Variants in ZMYM2 observed in about 807,000 individuals in gnomAD.
ZMYM2 encodes zinc finger MYM-type protein 2.
In ZMYM2, 56 loss-of-function variants were observed where a neutral mutation model predicts 162.8. That is an observed-to-expected ratio of 0.34 (90% CI 0.28 to 0.43). The LOEUF (loss-of-function observed/expected upper bound fraction) is 0.43, where lower values mean the gene tolerates loss of function less well. Ranked by LOEUF, ZMYM2 falls within the 20% of genes least tolerant of loss-of-function variation. The pLI is 1.00. For missense variants in ZMYM2, 1,275 were observed against 1,621.8 expected, an observed-to-expected ratio of 0.79 and a Z score of 3.67; for synonymous variants, 510 against 541.6, an observed-to-expected ratio of 0.94 and a Z score of 0.81.
At chr13:19,949,660 G>A in the ZMYM2 span, among the ~76,000 whole-genome samples, 1 of 151,554 alleles carries the variant, frequency 6.6e-6, no homozygotes, top group Non-Finnish European at 1.5e-5. Flanking sequence ...AGGCCAAGAC[G>A]GGCAGATCAT....
chr13:20,082,158 C>G (rs1408967696), intron 22 of ZMYM2, 28 bp downstream of exon 22: 3 of 1,463,424 alleles, frequency 2.0e-6, no homozygotes, highest in Admixed American at 3.9e-5. Flanking sequence ...AAAGGTGTTG[C>G]TCTCTTGATA....
the ZMYM2 span, among the ~76,000 whole-genome samples, chr13:19,922,865 A>G: frequency 1.1e-4 from 17 of 152,014 alleles, no homozygotes; most frequent in African/African-American, 3.9e-4. Flanking sequence ...CAAAACAAAA[A>G]TACAAAATTA....
the ZMYM2 span, among the ~76,000 whole-genome samples, chr13:19,890,871 CA>C: frequency 2.5e-3 from 325 of 128,512 alleles, no homozygotes; most frequent in South Asian, 4.4e-3. Context: ...GACTCCATTT[CA>C]AAAAAAAAAA....
the ZMYM2 span, among the ~76,000 whole-genome samples, chr13:19,914,690 G>C: frequency 1.3e-5 from 2 of 152,158 alleles, no homozygotes; most frequent in African/African-American, 4.8e-5. Flanking sequence ...CCACCACCAT[G>C]GTATTCCACA....
rs1247894077 is a variant in ZMYM2, at chr13:20,082,100, C to T, written c.3538C>T (p.Arg1180Ter). The T allele has an allele frequency of 6.2e-7, 1 of 1,603,984 alleles. No individual in the cohort carries two copies. The change falls in exon 22 of 25, where the codon CGA becomes TGA. Residue 1180 changes from arginine (R) to a stop codon, truncating the protein, a stop_gained. Transcript: ENST00000610343. LOFTEE classifies it high-confidence loss of function. ...TFEQELNKIL[R>*]SWQPSILPDG... is the part of the protein sequence containing the mutation. The stretch of plus-strand genomic sequence containing the variant: ...TGAGCAAGAATTGAATAAAATACTG[C>T]GAAGCTGGCAACCAAGCATACTTCC...
intron 2 of ZMYM2, among the ~76,000 whole-genome samples, chr13:19,982,281 CTTTTTTT>C (rs56165263): frequency 1.2e-5 from 1 of 86,256 alleles, no homozygotes; most frequent in African/African-American, 3.8e-5. Flanking sequence ...TATTAGCTGT[CTTTTTTT>C]TTTTTTTTTT....
chr13:19,910,302 A>C, the ZMYM2 span, among the ~76,000 whole-genome samples: 1 of 152,202 alleles, frequency 6.6e-6, no homozygotes, highest in Admixed American at 6.5e-5. Flanking sequence ...TTAGTGTTGC[A>C]GCTTTGGGAA....
the ZMYM2 span, among the ~76,000 whole-genome samples, chr13:19,916,224 G>C: frequency 6.6e-6 from 1 of 152,086 alleles, no homozygotes; most frequent in South Asian, 2.1e-4. Flanking sequence ...AGATGCTGGA[G>C]AGGATGTGGA....
intron 7 of ZMYM2, among the ~76,000 whole-genome samples, chr13:20,022,334 G>A (rs1952187536): frequency 6.6e-6 from 1 of 152,160 alleles, no homozygotes; most frequent in African/African-American, 2.4e-5. Flanking sequence ...ATTAGATTGA[G>A]GTAATGCATT....
chr13:20,080,812 GT>G (rs1400545654), intron 21 of ZMYM2, among the ~76,000 whole-genome samples: 1 of 152,110 alleles, frequency 6.6e-6, no homozygotes. Flanking sequence ...TTTAATTGCT[GT>G]TTAGACCAGG....
chr13:20,037,555 T>C (rs1254669606), intron 12 of ZMYM2, among the ~76,000 whole-genome samples: 1 of 152,194 alleles, frequency 6.6e-6, no homozygotes, highest in Non-Finnish European at 1.5e-5. Flanking sequence ...TGTTGAATGT[T>C]AGCAGGTAAT....
the ZMYM2 span, among the ~76,000 whole-genome samples, chr13:19,884,047 C>G: frequency 6.6e-6 from 1 of 152,140 alleles, no homozygotes. Context: ...CATGAGCCCC[C>G]GGGCGTGGCC....
intron 16 of ZMYM2, among the ~76,000 whole-genome samples, chr13:20,060,326 C>T (rs926315478): frequency 2.0e-5 from 3 of 152,144 alleles, no homozygotes; most frequent in African/African-American, 4.8e-5. Context: ...AGTGACATTT[C>T]GCGGATGTCT....
the ZMYM2 span, among the ~76,000 whole-genome samples, chr13:19,917,260 C>G: frequency 6.6e-6 from 1 of 152,172 alleles, no homozygotes; most frequent in East Asian, 2.0e-4. Flanking sequence ...CCACGCCCGG[C>G]TTGAAGGCTA....
chr13:19,898,872 A>G, the ZMYM2 span, among the ~76,000 whole-genome samples: 3 of 151,800 alleles, frequency 2.0e-5, no homozygotes, highest in Admixed American at 2.0e-4. Flanking sequence ...GCTAGAGACT[A>G]TAGTGAGCCA....
the ZMYM2 span, among the ~76,000 whole-genome samples, chr13:19,884,282 T>C: frequency 6.6e-6 from 1 of 152,144 alleles, no homozygotes; most frequent in Non-Finnish European, 1.5e-5. Flanking sequence ...TCGGTCTCGC[T>C]GACGCCAGTG....
At chr13:19,899,170 T>A in the ZMYM2 span, among the ~76,000 whole-genome samples, 18 of 151,852 alleles carry the variant, frequency 1.2e-4, no homozygotes, top group Admixed American at 8.5e-4. Context: ...CAGGCTGGTC[T>A]CGAACTTCTG....
At chr13:20,033,076 T>C (rs1566352352) in intron 10 of ZMYM2, among the ~76,000 whole-genome samples, 1 of 152,110 alleles carries the variant, frequency 6.6e-6, no homozygotes, top group Non-Finnish European at 1.5e-5. Context: ...TTTTAGTGAC[T>C]GATAACCTTT....
chr13:19,953,855 T>C (rs945096272), upstream of ZMYM2, among the ~76,000 whole-genome samples: 1 of 151,952 alleles, frequency 6.6e-6, no homozygotes, highest in African/African-American at 2.4e-5. Flanking sequence ...GAAATGAACT[T>C]GGTGTGTTGC....
Sources: gnomAD v4.1 joint callset for allele counts (sites outside exome capture counted in the v4.1 genomes callset) on GRCh38, gnomAD v4.1.1 for gene constraint, MANE v1.5 for transcripts, NCBI Gene and HGNC (gene_info 2026-07-23, HGNC 2026-07-21) for gene names.